The following GRIK4 variants were observed in gnomAD, a reference collection of about 807,000 sequenced individuals.
GRIK4 encodes the protein glutamate receptor ionotropic, kainate 4.
Under a neutral mutation model 104.9 loss-of-function variants are expected in GRIK4, and 40 were observed. That is an observed-to-expected ratio of 0.38 (90% CI 0.30 to 0.50). GRIK4 has a LOEUF of 0.50. Ranked by LOEUF, GRIK4 falls within the 20% of genes least tolerant of loss-of-function variation. The probability of loss-of-function intolerance (pLI) is 0.93; values close to 1 mark genes in which losing one functional copy is unlikely to be tolerated. For missense variants in GRIK4, 1,047 were observed against 1,308.1 expected (o/e 0.80, Z 3.08); for synonymous variants, 485 against 524.9 (o/e 0.92, Z 1.04).
chr11:120,670,861 C>A (rs1050275010), intron 3 of GRIK4, among the ~76,000 whole-genome samples: 1 of 152,138 alleles, frequency 6.6e-6, no homozygotes, highest in African/African-American at 2.4e-5. Flanking sequence ...CCCTTGTCCC[C>A]CACCCCTCGA....
intron 13 of GRIK4, among the ~76,000 whole-genome samples, chr11:120,913,547 T>G (rs1287967770): frequency 1.3e-5 from 2 of 151,512 alleles, no homozygotes; most frequent in Non-Finnish European, 2.9e-5. Context: ...CCCCTCTAGG[T>G]TCACAGTTCA....
At chr11:120,887,158 C>T (rs963227934) in intron 11 of GRIK4, among the ~76,000 whole-genome samples, 24 of 152,232 alleles carry the variant, frequency 1.6e-4, no homozygotes, top group African/African-American at 5.8e-4. Context: ...TTCCACCCTT[C>T]CTGTTTCTAC....
At chr11:120,836,399 G>C (rs1018721402) in intron 7 of GRIK4, among the ~76,000 whole-genome samples, 5 of 152,236 alleles carry the variant, frequency 3.3e-5, no homozygotes, top group Admixed American at 1.3e-4. Context: ...CAGTGGGTTA[G>C]TGTTAGCCAT....
chr11:120,926,693 ATTCATTCAATCATGAC>A (rs1169738267), intron 13 of GRIK4, among the ~76,000 whole-genome samples: 3 of 152,228 alleles, frequency 2.0e-5, no homozygotes, highest in African/African-American at 4.8e-5. Context: ...TTGTCTATTC[ATTCATTCAATCATGAC>A]TTCATTCAAC....
chr11:120,926,379 A>G (rs946038625), intron 13 of GRIK4, among the ~76,000 whole-genome samples: 1 of 152,264 alleles, frequency 6.6e-6, no homozygotes, highest in Non-Finnish European at 1.5e-5. Flanking sequence ...ACAAAATAAT[A>G]AAGGCTGACA....
chr11:120,832,864 T>C (rs904219004), intron 7 of GRIK4, among the ~76,000 whole-genome samples: 6 of 152,192 alleles, frequency 3.9e-5, no homozygotes, highest in Non-Finnish European at 5.9e-5. Context: ...CCTGGGCTGG[T>C]GGCTGGGCTG....
intron 20 of GRIK4, among the ~76,000 whole-genome samples, chr11:120,984,956 G>A (rs2134812171): frequency 6.6e-6 from 1 of 151,354 alleles, no homozygotes; most frequent in East Asian, 2.0e-4. Context: ...AGCCTCCCGA[G>A]TAGCTGAGAT....
intron 1 of GRIK4, among the ~76,000 whole-genome samples, chr11:120,525,307 A>G (rs71484177): frequency 0.11 from 16,327 of 152,154 alleles, 1,133 homozygotes; most frequent in African/African-American, 0.2. Flanking sequence ...TGCAGAATCG[A>G]GGTTTGAAAT....
Position 120,985,941 on chromosome 11 carries a change from G to A in GRIK4, c.2552G>A (p.Ser851Asn), listed in dbSNP as rs746841446. ...VCQEMVTELR[S>N]IILCQDSIHP... The stretch of plus-strand genomic sequence containing the variant: ...CAGGAGATGGTGACCGAGCTGCGCA[G>A]CATTATCCTGTGTCAGGACAGTATC... The change falls in exon 21 of 21, where the codon AGC becomes AAC. Residue 851 changes from serine to asparagine, a missense_variant. By Grantham distance (46) the Ser-to-Asn change is conservative (BLOSUM62 1). Coordinates refer to ENST00000527524, the MANE Select transcript of GRIK4 (RefSeq NM_014619.5). The A allele has an allele frequency of 8.4e-6, 13 of 1,550,044 alleles. No individual in the cohort carries two copies. The highest frequency in any genetic ancestry group is 1.0e-5 in the Non-Finnish European group (12 of 1,146,840).
intron 3 of GRIK4, among the ~76,000 whole-genome samples, chr11:120,766,387 G>A (rs1951840380): frequency 6.6e-6 from 1 of 152,208 alleles, no homozygotes; most frequent in Non-Finnish European, 1.5e-5. Context: ...AGCTTGCTGG[G>A]CTCAGTGAGG....
rs150580576 is a variant in GRIK4, at chr11:120,555,450, G to T, written c.-159+43563G>T. 1.3e-5 allele frequency among the ~76,000 whole-genome samples: 2 copies of T among 152,292 alleles called. No individual in the cohort carries two copies. The highest frequency in any genetic ancestry group is 4.8e-5 in the African/African-American group (2 of 41,566). ...GAGCTTGCTAAAAAAGCTTTCTACC[G>T]GGCTGCTTATGTACTCGCCGAGCCA... On this transcript the variant is annotated intron_variant, in intron 1 of 20. Transcript: ENST00000527524. The surrounding 1 kb of genome is among the most constrained non-coding windows in gnomAD (Gnocchi z 5.3).
intron 14 of GRIK4, among the ~76,000 whole-genome samples, chr11:120,950,414 A>G (rs990239646): frequency 6.6e-6 from 1 of 152,188 alleles, no homozygotes. Flanking sequence ...TAGTGCTGTC[A>G]TTTTCCTCAA....
At chr11:120,620,882 C>A (rs1384109989) in intron 1 of GRIK4, among the ~76,000 whole-genome samples, 2 of 152,170 alleles carry the variant, frequency 1.3e-5, no homozygotes, top group East Asian at 1.9e-4. Context: ...TCAATCCTTA[C>A]AACCATCCAG....
chr11:120,538,110 A>G (rs1947997463), intron 1 of GRIK4, among the ~76,000 whole-genome samples: 2 of 152,228 alleles, frequency 1.3e-5, no homozygotes, highest in African/African-American at 4.8e-5. Flanking sequence ...TTTCCTTAGG[A>G]ATACGAAGAT....
intron 3 of GRIK4, among the ~76,000 whole-genome samples, chr11:120,714,802 G>A (rs577306724): frequency 6.6e-6 from 1 of 152,314 alleles, no homozygotes; most frequent in East Asian, 1.9e-4. Context: ...GGGGAGGTGG[G>A]AACAGATGAG....
rs1356119221 is a variant in GRIK4, at chr11:120,953,618, G to T, written c.1700+654G>T. On this transcript the variant is annotated intron_variant, in intron 15 of 20. Transcript: ENST00000527524. The surrounding 1 kb of genome is among the most constrained non-coding windows in gnomAD (Gnocchi z 4.9). ...CGCACGGGCCAGACCAGGGAGGGGG[G>T]AGAATAAGCCCTGCCCTATCCCCAG... is the stretch of plus-strand genomic sequence containing the variant. Among the ~76,000 whole-genome samples the T allele has an allele frequency of 1.3e-5, 2 of 152,186 alleles. No homozygotes were observed. The highest frequency in any genetic ancestry group is 4.8e-5 in the African/African-American group (2 of 41,456).
chr11:120,764,790 C>T (rs918746596), intron 3 of GRIK4, among the ~76,000 whole-genome samples: 1 of 152,158 alleles, frequency 6.6e-6, no homozygotes, highest in Non-Finnish European at 1.5e-5. Context: ...AGCCCCCACT[C>T]TCTTCTGGCT....
At position 120,789,172 on chromosome 11, in the gene GRIK4, G is replaced by T. The variant is rs371375339; in HGVS notation, c.83-13521G>T. 2.1e-3 allele frequency among the ~76,000 whole-genome samples: 321 copies of T among 152,230 alleles called. 2 individuals are homozygous for T. Among genetic ancestry groups the T allele is most frequent in the African/African-American group, 7.6e-3 (314 of 41,518 alleles). On this transcript the variant is annotated intron_variant, in intron 3 of 20. Coordinates refer to ENST00000527524, the MANE Select transcript of GRIK4 (RefSeq NM_014619.5). ...GGACTCCCGGGTCTCCGTGTCTCCA[G>T]CCTGGATCATTATCTGGAGAGCCAG... is the stretch of plus-strand genomic sequence containing the variant.
At position 120,943,151 on chromosome 11, in the gene GRIK4, C is replaced by CACACA. The variant is rs869038854; in HGVS notation, c.1590+2691_1590+2692insACACA. 1.8e-4 allele frequency among the ~76,000 whole-genome samples: 18 copies of CACACA among 98,528 alleles called. 1 individual carries two copies. Among genetic ancestry groups the CACACA allele is most frequent in the South Asian group, 3.7e-4 (1 of 2,678 alleles). The allele number at this position is 98,528 out of a possible 152,430, so 64.6% of individuals were successfully genotyped here. On this transcript the variant is annotated intron_variant, in intron 14 of 20. Coordinates refer to ENST00000527524, the MANE Select transcript of GRIK4 (RefSeq NM_014619.5). ...ACACACACACACACACACACACACA[C>CACACA]CCCCCTGACTGTTTGGTGAGGATTC...
Sources: allele counts gnomAD v4.1 joint callset (sites outside exome capture counted in the v4.1 genomes callset), GRCh38; gene constraint gnomAD v4.1.1; non-coding constraint Gnocchi (gnomAD v3.1); transcripts MANE v1.5; gene names NCBI Gene and HGNC (gene_info 2026-07-23, HGNC 2026-07-21).